Variants in CHCHD3 observed in about 807,000 individuals in gnomAD.
CHCHD3 encodes the protein coiled-coil-helix-coiled-coil-helix domain containing 3.
CHCHD3 carries 20 observed loss-of-function variants against 38.2 expected under a neutral mutation model. The ratio of observed to expected loss-of-function variants is 0.52; its 90% CI spans 0.37 to 0.76. The LOEUF (loss-of-function observed/expected upper bound fraction) is 0.76, where lower values mean the gene tolerates loss of function less well. Among genes scored for constraint, CHCHD3 ranks in the 30% least tolerant of loss-of-function variants. The pLI is 0.00. For missense variants in CHCHD3, 245 were observed against 279.2 expected, an observed-to-expected ratio of 0.88 and a Z score of 0.87; for synonymous variants, 82 against 100.0, an observed-to-expected ratio of 0.82 and a Z score of 1.07.
chr7:132,974,070 C>G (rs1305088376), intron 4 of CHCHD3: 1 of 1,237,404 alleles, frequency 8.1e-7, no homozygotes. Context: ...ATGTTGAATA[C>G]AAAAGGCAGA....
chr7:133,054,907 A>G (rs1814272190), intron 2 of CHCHD3, among the ~76,000 whole-genome samples: 1 of 152,192 alleles, frequency 6.6e-6, no homozygotes, highest in South Asian at 2.1e-4. Flanking sequence ...AGCACCTTCT[A>G]CAGGTCAGAC....
intron 2 of CHCHD3, among the ~76,000 whole-genome samples, chr7:133,054,484 G>A (rs1001840005): frequency 2.0e-5 from 3 of 151,800 alleles, no homozygotes; most frequent in South Asian, 2.1e-4. Flanking sequence ...ATGTATATAC[G>A]GTAAACATAA....
At chr7:132,928,922 C>T (rs1810449387) in intron 4 of CHCHD3, among the ~76,000 whole-genome samples, 1 of 152,108 alleles carries the variant, frequency 6.6e-6, no homozygotes, top group Non-Finnish European at 1.5e-5. Flanking sequence ...CTCCTCAAAT[C>T]CTGAGATTTT....
chr7:132,813,305 T>G (rs1447841678), intron 6 of CHCHD3: 4 of 152,200 alleles, frequency 2.6e-5, no homozygotes, highest in Non-Finnish European at 5.9e-5. Context: ...AATTTCCCAA[T>G]AAATACTTAA....
At chr7:133,014,502 AGCT>A (rs1320541670) in intron 3 of CHCHD3, among the ~76,000 whole-genome samples, 1 of 152,098 alleles carries the variant, frequency 6.6e-6, no homozygotes, top group African/African-American at 2.4e-5. Flanking sequence ...TTGTCCCAGC[AGCT>A]AAGTTTTTAA....
chr7:132,785,609 G>A lies in CHCHD3; in HGVS notation c.*28C>T. The A allele has an allele frequency of 6.2e-7, 1 of 1,611,768 alleles. No homozygotes were observed. The highest frequency in any genetic ancestry group is 1.1e-5 in the South Asian group (1 of 90,964). On this transcript the variant is annotated 3_prime_UTR_variant, in exon 8 of 8. Transcript: ENST00000262570. ...ATGTTCCATCTCTGGAATTAACGTT[G>A]ATGGTGTTTTGCTCATTCTGAAAGT...
intron 3 of CHCHD3, among the ~76,000 whole-genome samples, chr7:132,998,316 T>C (rs1812479290): frequency 6.6e-6 from 1 of 152,236 alleles, no homozygotes; most frequent in South Asian, 2.1e-4. Flanking sequence ...ATTTAATGAT[T>C]CCGAGTGCTG....
intron 4 of CHCHD3, chr7:132,974,158 A>G (rs1811694241): frequency 4.0e-6 from 2 of 504,564 alleles, no homozygotes; most frequent in Non-Finnish European, 6.1e-6. Context: ...GCTTAACACC[A>G]TCTATAGCAT....
intron 4 of CHCHD3, among the ~76,000 whole-genome samples, chr7:132,925,718 A>G (rs900339172): frequency 6.6e-6 from 1 of 152,184 alleles, no homozygotes; most frequent in African/African-American, 2.4e-5. Flanking sequence ...CAGCTAGAAA[A>G]AGAGAGGAAT....
rs561629465 is a variant in CHCHD3 at position 132,787,746 on chromosome 7, A to G, written c.661-2086T>C. On this transcript the variant is annotated intron_variant, in intron 7 of 7. Transcript: ENST00000262570. The stretch of plus-strand genomic sequence containing the variant: ...GAGCAAAGGGTGGATAGATTATCCT[A>G]AAGTGTTCATCATTATAGGTTTCTA... Among the ~76,000 whole-genome samples, 15 of 152,326 alleles carry G rather than the reference A, an allele frequency of 9.8e-5. No homozygotes were observed. The East Asian group carries it at 1.7e-3, about 18-fold the overall frequency.
chr7:132,796,844 C>T (rs73441227), intron 6 of CHCHD3, among the ~76,000 whole-genome samples: 1,810 of 152,214 alleles, frequency 0.012, 41 homozygotes, highest in African/African-American at 0.041. Context: ...CCTTCCAAAC[C>T]GAAACCATAT....
chr7:133,000,532 A>T (rs1013101262), intron 3 of CHCHD3, among the ~76,000 whole-genome samples: 1 of 152,164 alleles, frequency 6.6e-6, no homozygotes, highest in Non-Finnish European at 1.5e-5. Context: ...GATGGTTACC[A>T]TTGGGGAGTG....
At chr7:133,002,289 G>C (rs1336139117) in intron 3 of CHCHD3, among the ~76,000 whole-genome samples, 2 of 152,110 alleles carry the variant, frequency 1.3e-5, no homozygotes, top group Non-Finnish European at 2.9e-5. Flanking sequence ...TTATCTGGTA[G>C]ATATTCTTAT....
At chr7:132,971,859 C>T (rs1342188363) in intron 4 of CHCHD3, among the ~76,000 whole-genome samples, 3 of 152,186 alleles carry the variant, frequency 2.0e-5, no homozygotes, top group Non-Finnish European at 2.9e-5. Flanking sequence ...AGAATGGCAG[C>T]AATAGGGGCC....
intron 5 of CHCHD3, among the ~76,000 whole-genome samples, chr7:132,879,718 A>T (rs1809003517): frequency 2.5e-5 from 1 of 40,054 alleles, no homozygotes; most frequent in African/African-American, 7.7e-5. Context: ...GTCAAAAGTA[A>T]AAAAAAAAAA....
At chr7:132,926,485 G>A (rs960178091) in intron 4 of CHCHD3, among the ~76,000 whole-genome samples, 5 of 152,146 alleles carry the variant, frequency 3.3e-5, no homozygotes, top group Non-Finnish European at 5.9e-5. Context: ...GGGTGTGGAC[G>A]AGACTGCACA....
rs1016775524 is a variant in CHCHD3, at chr7:132,827,301, T to C, written c.524+11098A>G. Among the ~76,000 whole-genome samples, 8 of 152,318 alleles carry C rather than the reference T, an allele frequency of 5.3e-5. No individual in the cohort carries two copies. The East Asian group carries it at 1.5e-3, about 29-fold the overall frequency. ...ATTTGGGTTCTGGAATTTGGAATAT[T>C]TGCATATGCATAAAGACATATCTTG... On this transcript the variant is annotated intron_variant, in intron 6 of 7. Coordinates refer to ENST00000262570, the MANE Select transcript of CHCHD3 (RefSeq NM_017812.4).
Position 133,058,252 on chromosome 7 carries a change from T to C in CHCHD3, c.169+11890A>G, listed in dbSNP as rs189130778. Among the ~76,000 whole-genome samples, 114 of 152,084 alleles carry C rather than the reference T, an allele frequency of 7.5e-4. 1 individual carries two copies. The highest frequency in any genetic ancestry group is 2.7e-3 in the African/African-American group (111 of 41,516). On this transcript the variant is annotated intron_variant, in intron 2 of 7. Transcript: ENST00000262570. ...AAGCACAAGTTTCTTTTTTTTTTTT[T>C]TCTTTGAGATGGGGTGTCACTCTGT...
At chr7:132,810,197 A>T (rs866977956) in intron 6 of CHCHD3, among the ~76,000 whole-genome samples, 3 of 152,192 alleles carry the variant, frequency 2.0e-5, no homozygotes, top group South Asian at 2.1e-4. Flanking sequence ...GTAGTTGCTA[A>T]TATTTTCCTA....
Sources: allele counts gnomAD v4.1 joint callset (sites outside exome capture counted in the v4.1 genomes callset), GRCh38; gene constraint gnomAD v4.1.1; transcripts MANE v1.5; gene names NCBI Gene and HGNC (gene_info 2026-07-23, HGNC 2026-07-21).